Variants in CNGB1 observed in about 807,000 individuals in gnomAD.
The protein encoded by CNGB1 is cyclic nucleotide gated channel subunit beta 1.
A neutral mutation model predicts 151.7 loss-of-function variants in CNGB1; 126 were observed. The observed-to-expected ratio is 0.83, with a 90% CI of 0.72 to 0.96. CNGB1 has a LOEUF of 0.96. CNGB1 is among the 40% of genes least tolerant of loss of function. The pLI is 0.00. For synonymous variants in CNGB1, 623 were observed against 635.1 expected, an observed-to-expected ratio of 0.98 and a Z score of 0.29; for missense variants, 1,698 against 1,627.0, an observed-to-expected ratio of 1.04 and a Z score of -0.75.
At chr16:57,964,621 T>C in intron 2 of CNGB1, 77 bp from the exon 3 acceptor site, 1 of 1,399,534 alleles carries the variant, frequency 7.1e-7, no homozygotes, top group Non-Finnish European at 1.0e-6. Flanking sequence ...TGATTCTCCC[T>C]CAAGGGATCC....
chr16:57,962,427 GA>G lies in CNGB1; in HGVS notation c.458+137del, dbSNP rs1375771188. On this transcript the variant is annotated intron_variant, in intron 7 of 32. Transcript: ENST00000251102. ...GTCCACTGTCCCCATTCTATGGCTG[GA>G]AACAGGCCCAGAAGAGACGGGAGGC... The G allele has an allele frequency of 3.7e-6, 3 of 807,488 alleles. No individual in the cohort carries two copies. In the Admixed American group the frequency reaches 5.3e-5, roughly 14 times the overall value. The allele number at this position is 807,488 out of a possible 1,614,324, so 50.0% of individuals were successfully genotyped here.
rs747361400 is a variant in CNGB1 at position 57,925,748 on chromosome 16, C to T, written c.1536-2368G>A. ...TGTTGCCCTGGCTGGAATGCAGTGG[C>T]GCAAGCTCAGCTCACTGCAACCTCT... On this transcript the variant is annotated intron_variant, in intron 17 of 32. Coordinates refer to ENST00000251102, the MANE Select transcript of CNGB1 (RefSeq NM_001297.5). 2.2e-4 allele frequency among the ~76,000 whole-genome samples: 33 copies of T among 151,980 alleles called. 2 individuals carry two copies. Among genetic ancestry groups the T allele is most frequent in the Admixed American group, 1.9e-3 (29 of 15,242 alleles).
chr16:57,950,658 G>T, intron 12 of CNGB1, 118 bp from the exon 13 acceptor site: 1 of 1,018,432 alleles, frequency 9.8e-7, no homozygotes, highest in Non-Finnish European at 1.5e-6. Context: ...TCAGTGCTTA[G>T]TCATGCAGTG....
intron 14 of CNGB1, among the ~76,000 whole-genome samples, chr16:57,942,043 G>A (rs1473596255): frequency 1.3e-5 from 2 of 151,886 alleles, no homozygotes; most frequent in Non-Finnish European, 2.9e-5. Flanking sequence ...GGTTTGGTTT[G>A]GTTTGGTTTG....
intron 12 of CNGB1, among the ~76,000 whole-genome samples, chr16:57,952,554 G>A (rs1961980002): frequency 7.9e-6 from 1 of 127,088 alleles, no homozygotes; most frequent in Non-Finnish European, 1.6e-5. Flanking sequence ...CCAGGCTTGA[G>A]TGCAATGGTA....
At chr16:57,914,288 C>A (rs1369589058) in intron 23 of CNGB1, among the ~76,000 whole-genome samples, 1 of 152,162 alleles carries the variant, frequency 6.6e-6, no homozygotes, top group Non-Finnish European at 1.5e-5. Context: ...GGCTCTAAAG[C>A]AACCTCTGCA....
At chr16:57,906,824 T>C (rs1960564202) in intron 25 of CNGB1, among the ~76,000 whole-genome samples, 1 of 152,122 alleles carries the variant, frequency 6.6e-6, no homozygotes, top group Non-Finnish European at 1.5e-5. Context: ...ATGCCACATC[T>C]TAGGGGCCTC....
intron 25 of CNGB1, among the ~76,000 whole-genome samples, chr16:57,906,128 T>C (rs112206955): frequency 7.2e-5 from 11 of 152,176 alleles, no homozygotes; most frequent in East Asian, 3.9e-4. Flanking sequence ...AGATAGAACA[T>C]GGGCTCTGGA....
At position 57,967,282 on chromosome 16, in the gene CNGB1, A is replaced by G. The variant is rs781036792; in HGVS notation, c.5T>C (p.Leu2Ser). The G allele has an allele frequency of 5.6e-6, 9 of 1,614,058 alleles. No individual in the cohort carries two copies. In the East Asian group the frequency reaches 2.0e-4, roughly 36 times the overall value. M[L>S]GWVQRVLPQP... The stretch of plus-strand genomic sequence containing the variant: ...AGGCAGCACCCTCTGGACCCAGCCC[A>G]ACATCCTGATGCCTGTAGGAGACAG... Residue 2 changes from leucine (L) to serine (S), a missense_variant, in exon 2 of 33, where the codon TTG (leucine) becomes TCG (serine). By Grantham distance (145) the Leu-to-Ser change is moderately radical. Coordinates refer to ENST00000251102, the MANE Select transcript of CNGB1 (RefSeq NM_001297.5).
intron 2 of CNGB1, among the ~76,000 whole-genome samples, chr16:57,964,869 A>G (rs116770571): frequency 0.01 from 1,532 of 152,260 alleles, 22 homozygotes; most frequent in African/African-American, 0.035. Context: ...ATTTAGAGAT[A>G]GTTATGAAGC....
intron 12 of CNGB1, chr16:57,955,125 T>G: frequency 1.4e-6 from 2 of 1,433,270 alleles, no homozygotes; most frequent in Non-Finnish European, 9.1e-7. Context: ...ATGGCTGGCC[T>G]TCCCCTTGTT....
At chr16:57,919,317 G>A in intron 19 of CNGB1, 63 bp from the exon 20 acceptor site, 1 of 1,612,656 alleles carries the variant, frequency 6.2e-7, no homozygotes. Context: ...GATGCAGAGA[G>A]AAGGGTCCCA....
At chr16:57,939,053 A>G (rs1157235494) in intron 16 of CNGB1, among the ~76,000 whole-genome samples, 1 of 152,110 alleles carries the variant, frequency 6.6e-6, no homozygotes, top group Non-Finnish European at 1.5e-5. Flanking sequence ...CTGCATCCTC[A>G]TTGAGCGGAA....
intron 15 of CNGB1, among the ~76,000 whole-genome samples, chr16:57,939,987 A>G (rs1961621459): frequency 6.6e-6 from 1 of 152,118 alleles, no homozygotes; most frequent in African/African-American, 2.4e-5. Flanking sequence ...TGGGGAGGCG[A>G]CTTGCCCCAA....
rs1434990093 is a variant in CNGB1, at chr16:57,882,760, A to T, written c.*1404T>A. On this transcript the variant is annotated 3_prime_UTR_variant, in exon 33 of 33. Transcript: ENST00000251102. ...AATAAAATCCTCTTGATAAATATTC[A>T]TTCCCTGAATGACCCTTTTTTCTTT... The T allele has an allele frequency of 1.3e-5, 2 of 150,606 alleles. No homozygotes were observed. Among genetic ancestry groups the T allele is most frequent in the Non-Finnish European group, 3.0e-5 (2 of 67,732 alleles). The allele number at this position is 150,606 out of a possible 1,614,324, so 9.3% of individuals were successfully genotyped here.
chr16:57,895,341 G>A (rs1220531917), intron 31 of CNGB1, among the ~76,000 whole-genome samples: 1 of 151,950 alleles, frequency 6.6e-6, no homozygotes, highest in Non-Finnish European at 1.5e-5. Context: ...AGCAGAGGTT[G>A]CAGTGAGCTG....
chr16:57,949,934 A>T (rs1033999260), intron 13 of CNGB1, among the ~76,000 whole-genome samples: 1 of 152,242 alleles, frequency 6.6e-6, no homozygotes, highest in Admixed American at 6.5e-5. Flanking sequence ...CCTGATGCAG[A>T]ATTGTTCATA....
chr16:57,947,000 C>A (rs1029829129), intron 14 of CNGB1, among the ~76,000 whole-genome samples: 4 of 152,208 alleles, frequency 2.6e-5, no homozygotes, highest in Non-Finnish European at 4.4e-5. Flanking sequence ...TGCCTGTGTG[C>A]ACACACATGT....
chr16:57,894,084 C>T (rs767109722), intron 31 of CNGB1, among the ~76,000 whole-genome samples: 7 of 152,148 alleles, frequency 4.6e-5, no homozygotes, highest in South Asian at 2.1e-4. Flanking sequence ...ATGCAAAATA[C>T]GGATGCACAC....
Sources: gnomAD v4.1 joint callset for allele counts (sites outside exome capture counted in the v4.1 genomes callset) on GRCh38, gnomAD v4.1.1 for gene constraint, MANE v1.5 for transcripts, NCBI Gene and HGNC (gene_info 2026-07-23, HGNC 2026-07-21) for gene names.